TNKS: variants seen among roughly 807,000 people sequenced by gnomAD.
TNKS encodes poly [ADP-ribose] polymerase tankyrase-1.
In TNKS, 72 loss-of-function variants were observed where a neutral mutation model predicts 135.8. The observed-to-expected ratio is 0.53, with a 90% CI of 0.44 to 0.64. TNKS has a LOEUF of 0.64. Among genes scored for constraint, TNKS ranks in the 30% least tolerant of loss-of-function variants. The probability of loss-of-function intolerance (pLI) is 0.00; values close to 1 mark genes in which losing one functional copy is unlikely to be tolerated. For synonymous variants in TNKS, 849 were observed against 649.3 expected, an observed-to-expected ratio of 1.31 and a Z score of -4.68; for missense variants, 1,769 against 1,674.0, an observed-to-expected ratio of 1.06 and a Z score of -0.99.
At chr8:9,743,220 AGTGT>A (rs1207022531) in intron 17 of TNKS, among the ~76,000 whole-genome samples, 6 of 152,340 alleles carry the variant, frequency 3.9e-5, no homozygotes, top group Admixed American at 1.3e-4. Context: ...CTGTAGGTAT[AGTGT>A]TACCCAGTGA....
At chr8:9,719,598 T>G (rs1244488510) in intron 11 of TNKS, among the ~76,000 whole-genome samples, 2 of 152,158 alleles carry the variant, frequency 1.3e-5, no homozygotes, top group East Asian at 3.9e-4. Flanking sequence ...ACACTGGATC[T>G]CAGGAGCCAT....
intron 25 of TNKS, among the ~76,000 whole-genome samples, chr8:9,766,891 T>G (rs1186558656): frequency 1.3e-5 from 2 of 152,152 alleles, no homozygotes; most frequent in Admixed American, 1.3e-4. Flanking sequence ...ATCAGCCTCT[T>G]CTGACAGGAG....
chr8:9,588,768 A>G (rs1241574826), intron 2 of TNKS, among the ~76,000 whole-genome samples: 1 of 152,166 alleles, frequency 6.6e-6, no homozygotes, highest in African/African-American at 2.4e-5. Context: ...GTGGCCATTT[A>G]TAAAGGTTTA....
intron 2 of TNKS, among the ~76,000 whole-genome samples, chr8:9,608,199 C>G (rs149112639): frequency 1.4e-3 from 220 of 152,252 alleles, no homozygotes; most frequent in Non-Finnish European, 2.7e-3. Context: ...CCTCAGCCTC[C>G]CAAAGTGCTG....
At chr8:9,646,512 A>AT (rs1800925708) in intron 3 of TNKS, among the ~76,000 whole-genome samples, 1 of 151,986 alleles carries the variant, frequency 6.6e-6, no homozygotes. Context: ...GAAGTTTCTA[A>AT]TTTTTTTGAA....
chr8:9,704,778 C>A, intron 6 of TNKS, 21 bp downstream of exon 6: 10 of 1,586,854 alleles, frequency 6.3e-6, no homozygotes, highest in Non-Finnish European at 8.6e-6. Flanking sequence ...CAGTTTACTT[C>A]CTGTCAGTGC....
rs183573065 is a variant in TNKS at position 9,622,400 on chromosome 8, T to A, written c.994+6723T>A. On this transcript the variant is annotated intron_variant, in intron 3 of 26. Coordinates refer to ENST00000310430, the MANE Select transcript of TNKS (RefSeq NM_003747.3). ...CGCCTGAATCCTCCTTTGATCCAGG[T>A]GCTATTTCAAGGGCGCTGAATCCTC... Among the ~76,000 whole-genome samples the A allele has an allele frequency of 9.1e-4, 138 of 152,278 alleles. 5 individuals are homozygous for A. Among genetic ancestry groups the A allele is most frequent in the Admixed American group, 7.6e-3 (117 of 15,302 alleles).
chr8:9,746,301 A>T (rs1806232343), intron 17 of TNKS, among the ~76,000 whole-genome samples: 1 of 152,226 alleles, frequency 6.6e-6, no homozygotes, highest in South Asian at 2.1e-4. Context: ...ATATTCTTAA[A>T]AAGCCTATTT....
intron 18 of TNKS, among the ~76,000 whole-genome samples, chr8:9,749,485 T>G (rs28674042): frequency 3.5e-5 from 5 of 144,920 alleles, no homozygotes; most frequent in African/African-American, 1.3e-4. Context: ...TTTTTTTTTT[T>G]CCCCCTTAAG....
At chr8:9,701,565 G>T (rs1176670881) in intron 5 of TNKS, among the ~76,000 whole-genome samples, 1 of 152,164 alleles carries the variant, frequency 6.6e-6, no homozygotes, top group African/African-American at 2.4e-5. Flanking sequence ...GAATAAGAGG[G>T]ACTAGATTTA....
intron 1 of TNKS, among the ~76,000 whole-genome samples, chr8:9,571,496 C>T (rs377403524): frequency 3.3e-5 from 5 of 152,074 alleles, no homozygotes; most frequent in African/African-American, 9.7e-5. Flanking sequence ...CTCACTCTGT[C>T]GCCCAGGCTG....
chr8:9,654,099 T>G (rs1262037298), intron 3 of TNKS, among the ~76,000 whole-genome samples: 5 of 152,220 alleles, frequency 3.3e-5, no homozygotes, highest in Non-Finnish European at 2.9e-5. Context: ...GCCAAATATC[T>G]ATACCTGCAT....
rs551704595 is a variant in TNKS, at chr8:9,634,689, C to T, written c.994+19012C>T. Reference sequence around the variant, plus strand: ...CATCAGAATCACTGCGGGAAACAAACCTCTATTTCTGCTACAGAAAAGACC... The same window carrying T: ...CATCAGAATCACTGCGGGAAACAAATCTCTATTTCTGCTACAGAAAAGACC... On this transcript the variant is annotated intron_variant, in intron 3 of 26. Transcript: ENST00000310430. Among the ~76,000 whole-genome samples the T allele has an allele frequency of 3.0e-3, 453 of 152,276 alleles. 4 individuals carry two copies. The highest frequency in any genetic ancestry group is 3.2e-3 in the Non-Finnish European group (217 of 68,020).
chr8:9,695,117 C>A (rs1563172429), intron 5 of TNKS, among the ~76,000 whole-genome samples: 1 of 152,018 alleles, frequency 6.6e-6, no homozygotes, highest in Non-Finnish European at 1.5e-5. Context: ...TCTAGACATA[C>A]TGATAGTTGT....
intron 6 of TNKS, 67 bp from the exon 7 acceptor site, chr8:9,706,120 C>T (rs983758118): frequency 1.9e-6 from 2 of 1,079,708 alleles, no homozygotes; most frequent in Non-Finnish European, 2.6e-6. Flanking sequence ...GATTTTATTT[C>T]TTAGTACGAC....
intron 13 of TNKS, among the ~76,000 whole-genome samples, chr8:9,730,626 T>C (rs533773855): frequency 6.6e-5 from 10 of 152,300 alleles, no homozygotes; most frequent in Non-Finnish European, 7.4e-5. Context: ...GCTTGCTTTA[T>C]TGTGGGTTTT....
At chr8:9,619,990 G>A (rs1353123542) in intron 3 of TNKS, among the ~76,000 whole-genome samples, 3 of 149,900 alleles carry the variant, frequency 2.0e-5, no homozygotes, top group Admixed American at 6.7e-5. Context: ...TCACTCTGTC[G>A]CCAGGTTGGA....
intron 17 of TNKS, among the ~76,000 whole-genome samples, chr8:9,747,583 T>G (rs1460734934): frequency 2.0e-5 from 3 of 152,106 alleles, no homozygotes; most frequent in Admixed American, 6.6e-5. Flanking sequence ...CTGATTGCAG[T>G]AGGTAGAAAA....
intron 2 of TNKS, among the ~76,000 whole-genome samples, chr8:9,599,909 T>C (rs1230257339): frequency 1.3e-5 from 2 of 152,180 alleles, no homozygotes; most frequent in African/African-American, 2.4e-5. Context: ...TCCATAAAGA[T>C]TGAAGGAGAT....
Sources: allele counts gnomAD v4.1 joint callset (sites outside exome capture counted in the v4.1 genomes callset), GRCh38; gene constraint gnomAD v4.1.1; transcripts MANE v1.5; gene names NCBI Gene and HGNC (gene_info 2026-07-23, HGNC 2026-07-21).